PRKN: variants seen among roughly 807,000 people sequenced by gnomAD.
PRKN encodes the protein parkin RBR E3 ubiquitin protein ligase, also known as E3 ubiquitin-protein ligase parkin.
Under a neutral mutation model 59.5 loss-of-function variants are expected in PRKN, and 56 were observed. The observed-to-expected ratio is 0.94, with a 90% CI of 0.76 to 1.18. The LOEUF is 1.18. PRKN is among the 50% of genes most tolerant of loss of function. The pLI, the probability that PRKN is intolerant of heterozygous loss-of-function variation, is 0.00. For synonymous variants in PRKN, 250 were observed against 222.1 expected (o/e 1.13, Z -1.12); for missense variants, 657 against 596.4 (o/e 1.10, Z -1.06).
intron 3 of PRKN, 106 bp downstream of exon 3, chr6:162,262,419 A>C (rs1330605127): frequency 7.1e-7 from 1 of 1,401,410 alleles, no homozygotes; most frequent in Middle Eastern, 1.8e-4. Flanking sequence ...ACTCCAATCC[A>C]AAACGTATCA....
At chr6:162,520,968 C>A (rs558467245) in intron 1 of PRKN, among the ~76,000 whole-genome samples, 4 of 152,080 alleles carry the variant, frequency 2.6e-5, no homozygotes, top group Non-Finnish European at 5.9e-5. Context: ...CTATTTGCAG[C>A]TTAAATATAA....
At chr6:161,781,442 G>C (rs1790201803) in intron 7 of PRKN, among the ~76,000 whole-genome samples, 1 of 152,118 alleles carries the variant, frequency 6.6e-6, no homozygotes, top group Non-Finnish European at 1.5e-5. Context: ...GAGTGCATAA[G>C]ATTCTGAGGA....
At chr6:162,719,277 G>A (rs2128240196) in intron 1 of PRKN, among the ~76,000 whole-genome samples, 1 of 152,248 alleles carries the variant, frequency 6.6e-6, no homozygotes, top group Middle Eastern at 3.4e-3. Context: ...GTCTACATTT[G>A]TCTGTGGTCA....
At chr6:162,459,465 A>G (rs1791056474) in intron 1 of PRKN, among the ~76,000 whole-genome samples, 1 of 152,164 alleles carries the variant, frequency 6.6e-6, no homozygotes, top group Non-Finnish European at 1.5e-5. Context: ...TGGCCCACAG[A>G]TCAAAATTCA....
intron 2 of PRKN, among the ~76,000 whole-genome samples, chr6:162,403,560 G>A (rs577105362): frequency 6.0e-4 from 92 of 152,248 alleles, no homozygotes; most frequent in African/African-American, 2.1e-3. Context: ...AGAGGGCACC[G>A]GTGATTCCTT....
chr6:162,587,940 G>C (rs1370325821), intron 1 of PRKN, among the ~76,000 whole-genome samples: 1 of 150,992 alleles, frequency 6.6e-6, no homozygotes, highest in Non-Finnish European at 1.5e-5. Context: ...CAAATAACTA[G>C]AAATTTTCAT....
chr6:161,939,454 G>C (rs531306976), intron 6 of PRKN, among the ~76,000 whole-genome samples: 1 of 144,696 alleles, frequency 6.9e-6, no homozygotes, highest in Admixed American at 7.1e-5. Flanking sequence ...TACCGTCGTC[G>C]GGCATGGTGG....
In PRKN at chr6:162,011,464, T is replaced by TA. The variant is rs1782703152; in HGVS notation, c.619-38048_619-38047insT. 1.3e-4 allele frequency among the ~76,000 whole-genome samples: 3 copies of TA among 23,032 alleles called. No homozygotes were observed. In the South Asian group the frequency reaches 3.1e-3, roughly 24 times the overall value. 15.1% of individuals were successfully genotyped at this position (23,032 alleles called of 152,430 possible). A position where few individuals can be genotyped will look rare whatever the true frequency, so the allele number is the denominator to read the frequency against. On this transcript the variant is annotated intron_variant, in intron 5 of 11. Transcript: ENST00000366898. ...ATATTTATAATATATAATATATATA[T>TA]TATAATATATAATATATTATAATAT...
At chr6:162,322,753 ATCTTGCATC>A (rs906870226) in intron 2 of PRKN, among the ~76,000 whole-genome samples, 20 of 152,220 alleles carry the variant, frequency 1.3e-4, no homozygotes, top group Admixed American at 1.2e-3. Flanking sequence ...TATGGTCTAT[ATCTTGCATC>A]TCTTGCACCA....
intron 4 of PRKN, among the ~76,000 whole-genome samples, chr6:162,138,782 A>G (rs1379900557): frequency 6.6e-6 from 1 of 152,228 alleles, no homozygotes; most frequent in East Asian, 1.9e-4. Flanking sequence ...AATTGATTAG[A>G]TAATGCAGAA....
chr6:162,179,789 G>T (rs1783707234), intron 4 of PRKN, among the ~76,000 whole-genome samples: 1 of 152,104 alleles, frequency 6.6e-6, no homozygotes, highest in Admixed American at 6.6e-5. Context: ...TGTGCCAAGG[G>T]GAAAGGCTTC....
chr6:162,063,167 C>G (rs1778173399), intron 4 of PRKN, among the ~76,000 whole-genome samples: 1 of 152,042 alleles, frequency 6.6e-6, no homozygotes, highest in Non-Finnish European at 1.5e-5. Flanking sequence ...TAAAATATGA[C>G]TATGCAAGCC....
intron 1 of PRKN, among the ~76,000 whole-genome samples, chr6:162,549,621 G>C (rs1779253451): frequency 6.7e-6 from 1 of 148,884 alleles, no homozygotes; most frequent in Non-Finnish European, 1.5e-5. Context: ...AAAACTAATA[G>C]TAATAGAATG....
rs146344109 is a variant in PRKN at position 161,722,162 on chromosome 6, C to T, written c.871+63610G>A. Reference sequence around the variant, plus strand: ...CTGCTCCCAACATGCACACAAACCACAACCAAACCAAAAAACTATTTTCTG... The same window carrying T: ...CTGCTCCCAACATGCACACAAACCATAACCAAACCAAAAAACTATTTTCTG... On this transcript the variant is annotated intron_variant, in intron 7 of 11. Coordinates refer to ENST00000366898, the MANE Select transcript of PRKN (RefSeq NM_004562.3). 1.6e-3 allele frequency among the ~76,000 whole-genome samples: 242 copies of T among 152,224 alleles called. 1 individual carries two copies. The highest frequency in any genetic ancestry group is 5.0e-3 in the African/African-American group (209 of 41,538).
intron 7 of PRKN, among the ~76,000 whole-genome samples, chr6:161,684,297 T>C (rs1785476213): frequency 6.6e-6 from 1 of 152,150 alleles, no homozygotes; most frequent in Non-Finnish European, 1.5e-5. Flanking sequence ...GGTCTTACCA[T>C]GTTGCCCAGG....
At chr6:162,046,929 G>C (rs1329452492) in intron 5 of PRKN, among the ~76,000 whole-genome samples, 1 of 149,822 alleles carries the variant, frequency 6.7e-6, no homozygotes, top group South Asian at 2.1e-4. Flanking sequence ...GAAATTTTTT[G>C]TTATCAAGTA....
intron 1 of PRKN, among the ~76,000 whole-genome samples, chr6:162,491,168 G>T (rs1271135368): frequency 6.6e-6 from 1 of 151,064 alleles, no homozygotes; most frequent in African/African-American, 2.4e-5. Context: ...TGCTAGGGAG[G>T]CTGAGGCACA....
intron 1 of PRKN, among the ~76,000 whole-genome samples, chr6:162,617,583 TCTA>T (rs1782482078): frequency 6.6e-6 from 1 of 151,286 alleles, no homozygotes; most frequent in Non-Finnish European, 1.5e-5. Context: ...ATTCCTTCTG[TCTA>T]GCTAGCTAGA....
In PRKN at chr6:162,668,130, G is replaced by A. The variant is rs564519401; in HGVS notation, c.7+59532C>T. On this transcript the variant is annotated intron_variant, in intron 1 of 11. Coordinates refer to ENST00000366898, the MANE Select transcript of PRKN (RefSeq NM_004562.3). ...ATTAGAGTAATAATTTTCCCCTGGT[G>A]TCAAGGTTAAAGTAAGGAAGCAGAT... 1.3e-5 allele frequency among the ~76,000 whole-genome samples: 2 copies of A among 152,246 alleles called. 1 individual carries two copies. The highest frequency in any genetic ancestry group is 4.1e-4 in the South Asian group (2 of 4,824).
Sources: allele counts gnomAD v4.1 joint callset (sites outside exome capture counted in the v4.1 genomes callset), GRCh38; gene constraint gnomAD v4.1.1; transcripts MANE v1.5; gene names NCBI Gene and HGNC (gene_info 2026-07-23, HGNC 2026-07-21).